SPATA17: variants seen among roughly 807,000 people sequenced by gnomAD.
SPATA17 encodes the protein spermatogenesis-associated protein 17.
A neutral mutation model predicts 62.2 loss-of-function variants in SPATA17; 53 were observed. The observed-to-expected ratio is 0.85, with a 90% CI of 0.68 to 1.07. SPATA17 has a LOEUF of 1.07. SPATA17 is among the 50% of genes least tolerant of loss of function. SPATA17 has a pLI of 0.00. For missense variants in SPATA17, 466 were observed against 425.5 expected (o/e 1.10, Z -0.84); for synonymous variants, 146 against 146.8 (o/e 0.99, Z 0.04).
intron 6 of SPATA17, among the ~76,000 whole-genome samples, chr1:217,749,971 C>CTA (rs1221231899): frequency 2.2e-3 from 101 of 45,748 alleles, no homozygotes; most frequent in Non-Finnish European, 3.9e-3. Flanking sequence ...CTCTCTCTCT[C>CTA]TCTCTCTCTC....
At chr1:217,718,988 A>T (rs1672065731) in intron 5 of SPATA17, among the ~76,000 whole-genome samples, 2 of 152,240 alleles carry the variant, frequency 1.3e-5, no homozygotes, top group Non-Finnish European at 2.9e-5. Context: ...GACCACGAAC[A>T]AAGAAGCCAG....
chr1:217,794,400 G>A (rs1322097449), intron 8 of SPATA17, among the ~76,000 whole-genome samples: 1 of 152,094 alleles, frequency 6.6e-6, no homozygotes, highest in Non-Finnish European at 1.5e-5. Flanking sequence ...ACAAAAGCTT[G>A]CACAGTAATT....
At chr1:217,824,019 C>G (rs1027463834) in intron 9 of SPATA17, among the ~76,000 whole-genome samples, 2 of 151,924 alleles carry the variant, frequency 1.3e-5, no homozygotes, top group Non-Finnish European at 2.9e-5. Context: ...TTGTAAGCAG[C>G]TCATAGTTGT....
rs891765811 is a variant in SPATA17, at chr1:217,859,279, TA to T, written c.1006-3490del. Among the ~76,000 whole-genome samples the T allele has an allele frequency of 2.4e-3, 359 of 147,918 alleles. 2 individuals are homozygous for T. The highest frequency in any genetic ancestry group is 8.4e-3 in the African/African-American group (342 of 40,864). On this transcript the variant is annotated intron_variant, in intron 9 of 10. Coordinates refer to ENST00000366933, the MANE Select transcript of SPATA17 (RefSeq NM_138796.4). The stretch of plus-strand genomic sequence containing the variant: ...AAATAATATATGTAAAAGTTATATC[TA>T]AAAATTCTCCATATATAATTTTCTA...
At chr1:217,712,566 C>T (rs1253541671) in intron 5 of SPATA17, among the ~76,000 whole-genome samples, 1 of 152,140 alleles carries the variant, frequency 6.6e-6, no homozygotes, top group Non-Finnish European at 1.5e-5. Context: ...GCCCCCTCCT[C>T]CAGCCCCAGG....
intron 9 of SPATA17, among the ~76,000 whole-genome samples, chr1:217,852,146 A>C (rs1445822150): frequency 6.6e-6 from 1 of 152,176 alleles, no homozygotes; most frequent in African/African-American, 2.4e-5. Context: ...CAGTTACGAA[A>C]AGAATACCTG....
At chr1:217,649,733 CTTTT>C (rs34501876) in intron 2 of SPATA17, among the ~76,000 whole-genome samples, 2 of 141,644 alleles carry the variant, frequency 1.4e-5, no homozygotes, top group African/African-American at 2.6e-5. Flanking sequence ...CTCTTTCTCA[CTTTT>C]TTTTTTTTTT....
At chr1:217,663,058 T>C (rs1414206250) in intron 3 of SPATA17, among the ~76,000 whole-genome samples, 5 of 152,236 alleles carry the variant, frequency 3.3e-5, no homozygotes, top group African/African-American at 1.2e-4. Flanking sequence ...TAGATTTGGT[T>C]CACCTAATCT....
chr1:217,798,664 C>G (rs7532710), intron 8 of SPATA17, among the ~76,000 whole-genome samples: 4,243 of 152,240 alleles, frequency 0.028, 178 homozygotes, highest in African/African-American at 0.097. Context: ...GTGGCCAAGT[C>G]AGCCCTCCAA....
At chr1:217,762,242 A>G (rs1464631790) in intron 6 of SPATA17, among the ~76,000 whole-genome samples, 2 of 152,186 alleles carry the variant, frequency 1.3e-5, no homozygotes, top group African/African-American at 2.4e-5. Context: ...AAAACACTCC[A>G]GTTGCTAGCT....
At chr1:217,671,641 C>A (rs980453543) in intron 4 of SPATA17, among the ~76,000 whole-genome samples, 1 of 152,050 alleles carries the variant, frequency 6.6e-6, no homozygotes, top group African/African-American at 2.4e-5. Flanking sequence ...CTGTCCTCTC[C>A]TATCCTCCTC....
At chr1:217,708,322 AAG>A (rs1402276039) in intron 5 of SPATA17, among the ~76,000 whole-genome samples, 4 of 152,194 alleles carry the variant, frequency 2.6e-5, no homozygotes, top group Admixed American at 2.6e-4. Context: ...TAACGAGAAA[AAG>A]AGAGAAGATA....
intron 7 of SPATA17, 77 bp from the exon 8 acceptor site, chr1:217,782,097 G>A: frequency 7.2e-7 from 1 of 1,385,508 alleles, no homozygotes; most frequent in Non-Finnish European, 9.6e-7. Context: ...CTTTGTAGAT[G>A]TTCACTAGCC....
At chr1:217,722,066 T>G (rs1672139233) in intron 5 of SPATA17, among the ~76,000 whole-genome samples, 1 of 152,176 alleles carries the variant, frequency 6.6e-6, no homozygotes, top group Non-Finnish European at 1.5e-5. Flanking sequence ...TTCCATCCCT[T>G]CTATTTCTCA....
At chr1:217,774,685 C>T (rs993615938) in intron 7 of SPATA17, 148 bp downstream of exon 7, 4 of 660,690 alleles carry the variant, frequency 6.1e-6, no homozygotes, top group African/African-American at 3.6e-5. Context: ...AATCAGCTGT[C>T]GCTAGAACTC....
intron 4 of SPATA17, among the ~76,000 whole-genome samples, chr1:217,669,564 G>A (rs1294261547): frequency 6.6e-6 from 1 of 152,146 alleles, no homozygotes; most frequent in African/African-American, 2.4e-5. Flanking sequence ...ATAGAAAACT[G>A]AATTTAGCAA....
intron 4 of SPATA17, among the ~76,000 whole-genome samples, chr1:217,677,961 A>G (rs2102902609): frequency 6.6e-6 from 1 of 152,306 alleles, no homozygotes. Flanking sequence ...CAATGCAATG[A>G]TACCTACAAT....
chr1:217,786,760 T>TTCTTCTTCTTCTTCC lies in SPATA17; in HGVS notation c.872+4452_872+4453insCTCTTCTTCTTCTTC, dbSNP rs1673877448. ...GGATTTGATATTCTCTTTCTTCTTC[T>TTCTTCTTCTTCTTCC]TCTTCTTCTTCTTCTTCTTCTTCTT... On this transcript the variant is annotated intron_variant, in intron 8 of 10. Transcript: ENST00000366933. 4.7e-5 allele frequency among the ~76,000 whole-genome samples: 6 copies of TTCTTCTTCTTCTTCC among 128,668 alleles called. No homozygotes were observed. In the South Asian group the frequency reaches 1.4e-3, roughly 30 times the overall value. The allele number at this position is 128,668 out of a possible 152,430, so 84.4% of individuals were successfully genotyped here. A position where few individuals can be genotyped will look rare whatever the true frequency, so the allele number is the denominator to read the frequency against.
At chr1:217,793,959 G>A (rs1039047375) in intron 8 of SPATA17, among the ~76,000 whole-genome samples, 2 of 151,710 alleles carry the variant, frequency 1.3e-5, no homozygotes, top group African/African-American at 2.4e-5. Flanking sequence ...ACTAAAAAAC[G>A]CAAAAAATTA....
Sources: gnomAD v4.1 joint callset for allele counts (sites outside exome capture counted in the v4.1 genomes callset) on GRCh38, gnomAD v4.1.1 for gene constraint, MANE v1.5 for transcripts, NCBI Gene and HGNC (gene_info 2026-07-23, HGNC 2026-07-21) for gene names.